PTPRN2: variants seen among roughly 807,000 people sequenced by gnomAD.
PTPRN2 encodes the protein receptor-type tyrosine-protein phosphatase N2.
A neutral mutation model predicts 118.8 loss-of-function variants in PTPRN2; 74 were observed. The observed-to-expected ratio is 0.62, with a 90% confidence interval of 0.52 to 0.76. The LOEUF (loss-of-function observed/expected upper bound fraction) is 0.76, where lower values mean the gene tolerates loss of function less well. PTPRN2 is among the 30% of genes least tolerant of loss of function. The pLI is 0.00. For synonymous variants in PTPRN2, 641 were observed against 608.0 expected (o/e 1.05, Z -0.80); for missense variants, 1,481 against 1,394.4 (o/e 1.06, Z -0.99).
rs1800502452 is a variant in PTPRN2 at position 157,583,554 on chromosome 7, CAG to C, written c.2497-5416_2497-5415del. On this transcript the variant is annotated intron_variant, in intron 17 of 22. Transcript: ENST00000389418. This position sits in a 1 kb window ranked among gnomAD's most constrained non-coding sequence, Gnocchi z 5.5. ...CATCATTCACGATGTCTGCGTGTGTCAGAACATCAGGCTGTACACCTTAAACA... is the reference window on the plus strand; with the variant it reads ...CATCATTCACGATGTCTGCGTGTGTCAACATCAGGCTGTACACCTTAAACA... Among the ~76,000 whole-genome samples the C allele has an allele frequency of 6.6e-6, 1 of 152,046 alleles. No homozygotes were observed. The highest frequency in any genetic ancestry group is 2.4e-5 in the African/African-American group (1 of 41,408).
intron 3 of PTPRN2, among the ~76,000 whole-genome samples, chr7:158,269,855 GAGAC>G (rs1426524065): frequency 6.6e-6 from 1 of 151,756 alleles, no homozygotes; most frequent in Non-Finnish European, 1.5e-5. Flanking sequence ...CGGAGACACA[GAGAC>G]AGAGAGAGAC....
intron 4 of PTPRN2, 100 bp from the exon 5 acceptor site, chr7:158,192,595 C>T (rs113022612): frequency 7.3e-7 from 1 of 1,375,300 alleles, no homozygotes; most frequent in East Asian, 2.7e-5. Flanking sequence ...GGGCTGGGAG[C>T]CGGGCTCTCG....
chr7:158,510,795 T>C (rs1364972016), intron 1 of PTPRN2, among the ~76,000 whole-genome samples: 1 of 152,172 alleles, frequency 6.6e-6, no homozygotes, highest in African/African-American at 2.4e-5. Flanking sequence ...AGGTCGGATG[T>C]GAATGTAAAG....
intron 12 of PTPRN2, among the ~76,000 whole-genome samples, chr7:157,691,073 C>CT (rs1222090612): frequency 8.8e-6 from 1 of 113,988 alleles, no homozygotes. Flanking sequence ...GATGTCCCCC[C>CT]CCCCCCCCAC....
chr7:157,972,203 C>T (rs1465987999), intron 11 of PTPRN2, among the ~76,000 whole-genome samples: 5 of 152,188 alleles, frequency 3.3e-5, no homozygotes, highest in East Asian at 3.8e-4. Flanking sequence ...TTCTCTGGCA[C>T]CCAGCATGCC....
At chr7:157,746,037 C>T (rs1167714369) in intron 12 of PTPRN2, among the ~76,000 whole-genome samples, 2 of 149,668 alleles carry the variant, frequency 1.3e-5, no homozygotes, top group African/African-American at 4.9e-5. Context: ...ACAGTCCTCA[C>T]AGGGCCCTGA....
At chr7:157,633,782 T>C (rs1379243458) in intron 14 of PTPRN2, among the ~76,000 whole-genome samples, 1 of 152,124 alleles carries the variant, frequency 6.6e-6, no homozygotes, top group African/African-American at 2.4e-5. Flanking sequence ...AAGGAATGGA[T>C]GTGAGGGCAA....
intron 3 of PTPRN2, among the ~76,000 whole-genome samples, chr7:158,314,688 C>T (rs1257063265): frequency 7.5e-6 from 1 of 133,784 alleles, no homozygotes; most frequent in Admixed American, 7.5e-5. Flanking sequence ...TTTCTCTCAA[C>T]CCGCAGTTTG....
chr7:157,970,731 C>A (rs762869948), intron 11 of PTPRN2, among the ~76,000 whole-genome samples: 3 of 151,890 alleles, frequency 2.0e-5, no homozygotes, highest in Admixed American at 6.6e-5. Flanking sequence ...ATGGACAGCC[C>A]AGCAGGGGTA....
At chr7:158,141,092 C>G (rs886064624) in intron 6 of PTPRN2, among the ~76,000 whole-genome samples, 1 of 152,084 alleles carries the variant, frequency 6.6e-6, no homozygotes, top group Admixed American at 6.5e-5. Flanking sequence ...GGTCTCACCA[C>G]GACCCTCCAC....
At chr7:157,714,132 A>G (rs1202410064) in intron 12 of PTPRN2, among the ~76,000 whole-genome samples, 1 of 152,250 alleles carries the variant, frequency 6.6e-6, no homozygotes, top group Non-Finnish European at 1.5e-5. Context: ...TCACTACCTC[A>G]TGGCATCAAC....
intron 2 of PTPRN2, among the ~76,000 whole-genome samples, chr7:158,345,398 A>C (rs1299563459): frequency 6.6e-6 from 1 of 152,192 alleles, no homozygotes; most frequent in African/African-American, 2.4e-5. Flanking sequence ...GAGGCCACAG[A>C]GGGTTTTATG....
chr7:157,603,919 C>T lies in PTPRN2; in HGVS notation c.2418+83G>A, dbSNP rs1801845153. 3.0e-6 allele frequency: 4 copies of T among 1,351,360 alleles called. No individual in the cohort carries two copies. The highest frequency in any genetic ancestry group is 2.1e-6 in the Non-Finnish European group (2 of 956,316). The allele number at this position is 1,351,360 out of a possible 1,614,324, so 83.7% of individuals were successfully genotyped here. A position where few individuals can be genotyped will look rare whatever the true frequency, so the allele number is the denominator to read the frequency against. On this transcript the variant is annotated intron_variant, in intron 16 of 22. Transcript: ENST00000389418. This position sits in a 1 kb window ranked among gnomAD's most constrained non-coding sequence, Gnocchi z 5.4. ...CTGAGCTGGGTGGGGACGTGATTTC[C>T]CCCGAGAACCTTCCCACGTGATTTG...
chr7:158,461,387 T>C lies in PTPRN2; in HGVS notation c.163+28348A>G, dbSNP rs187350609. Among the ~76,000 whole-genome samples the C allele has an allele frequency of 7.2e-5, 11 of 151,864 alleles. No homozygotes were observed. The East Asian group carries it at 2.1e-3, about 30-fold the overall frequency. On this transcript the variant is annotated intron_variant, in intron 2 of 22. Coordinates refer to ENST00000389418, the MANE Select transcript of PTPRN2 (RefSeq NM_002847.5). Reference sequence around the variant, plus strand: ...GGCAGGCGCCTGTAGTCCCAGCTACTCGGGAGGCTGAGGCAGGAGAATGGC... The same window carrying C: ...GGCAGGCGCCTGTAGTCCCAGCTACCCGGGAGGCTGAGGCAGGAGAATGGC...
chr7:157,703,127 G>C (rs781777888), intron 12 of PTPRN2, among the ~76,000 whole-genome samples: 1 of 152,260 alleles, frequency 6.6e-6, no homozygotes, highest in Non-Finnish European at 1.5e-5. Context: ...TGAAATGTCA[G>C]TGTGGCCGGC....
intron 11 of PTPRN2, among the ~76,000 whole-genome samples, chr7:158,071,455 T>TGG (rs1563391445): frequency 0.01 from 725 of 72,226 alleles, 70 homozygotes; most frequent in Non-Finnish European, 0.014. Flanking sequence ...GTGCTCGTGG[T>TGG]TGAGGTGCTC....
At chr7:158,110,784 C>A (rs1317062194) in intron 10 of PTPRN2, 45 bp downstream of exon 10, 6 of 1,517,520 alleles carry the variant, frequency 4.0e-6, no homozygotes, top group Non-Finnish European at 4.5e-6. Flanking sequence ...GTCTCTGCGA[C>A]CAAGCAACAG....
chr7:158,347,356 T>G lies in PTPRN2; in HGVS notation c.164-30424A>C, dbSNP rs1451783900. On this transcript the variant is annotated intron_variant, in intron 2 of 22. Transcript: ENST00000389418. The stretch of plus-strand genomic sequence containing the variant: ...GCACCATTTATTGAAGACACTGTCC[T>G]TTTCCCATTATGTGTTCTTGCCACT... Among the ~76,000 whole-genome samples, 3 of 152,336 alleles carry G rather than the reference T, an allele frequency of 2.0e-5. No homozygotes were observed. The South Asian group carries it at 6.2e-4, about 32-fold the overall frequency.
chr7:157,798,922 T>C (rs1051192439), intron 12 of PTPRN2, among the ~76,000 whole-genome samples: 1 of 152,162 alleles, frequency 6.6e-6, no homozygotes, highest in African/African-American at 2.4e-5. Flanking sequence ...TCAGCACCTG[T>C]GCCCTCCAGT....
Sources: gnomAD v4.1 joint callset for allele counts (sites outside exome capture counted in the v4.1 genomes callset) on GRCh38, gnomAD v4.1.1 for gene constraint, Gnocchi (gnomAD v3.1) non-coding constraint, MANE v1.5 for transcripts, NCBI Gene and HGNC (gene_info 2026-07-23, HGNC 2026-07-21) for gene names.